Variants in RYR2 observed in about 807,000 individuals in gnomAD.
RYR2 encodes the protein cardiac muscle ryanodine receptor-calcium release channel.
A neutral mutation model predicts 601.1 loss-of-function variants in RYR2; 227 were observed. That is an observed-to-expected ratio of 0.38 (90% CI 0.34 to 0.42). RYR2 has a LOEUF of 0.42. Ranked by LOEUF, RYR2 falls within the 10% of genes least tolerant of loss-of-function variation. The pLI, the probability that RYR2 is intolerant of heterozygous loss-of-function variation, is 1.00. For synonymous variants in RYR2, 2,223 were observed against 2,175.1 expected (o/e 1.02, Z -0.61); for missense variants, 4,646 against 6,156.5 (o/e 0.75, Z 8.21).
intron 1 of RYR2, among the ~76,000 whole-genome samples, chr1:237,255,687 C>T (rs535072725): frequency 1.4e-4 from 22 of 152,250 alleles, no homozygotes; most frequent in South Asian, 1.2e-3. Context: ...GGATCTATCA[C>T]GATACTGAAA....
intron 1 of RYR2, among the ~76,000 whole-genome samples, chr1:237,051,061 A>C (rs1431815975): frequency 2.6e-5 from 4 of 152,184 alleles, no homozygotes; most frequent in Admixed American, 6.5e-5. Context: ...CAGTTAAATT[A>C]GTTCATGTGT....
Position 237,387,307 on chromosome 1 carries a change from A to T in RYR2, c.603A>T (p.Leu201Phe). 6.2e-7 allele frequency: 1 copy of T among 1,614,002 alleles called. No homozygotes were observed. Among genetic ancestry groups the T allele is most frequent in the Admixed American group, 1.7e-5 (1 of 60,030 alleles). Reference sequence around the variant, plus strand: ...ACTTGTCTTATGGCAACGGCAGCTTACACGTGGATGCCGCTTTCCAGCAGA... The same window carrying T: ...ACTTGTCTTATGGCAACGGCAGCTTTCACGTGGATGCCGCTTTCCAGCAGA... ...YLHLSYGNGS[L>F]HVDAAFQQTL... Residue 201 changes from leucine to phenylalanine, a missense_variant, in exon 9 of 105, where the codon TTA becomes TTT. Leu to Phe is a conservative substitution (Grantham distance 22, BLOSUM62 0). This residue lies in a region of RYR2 where 87 missense variants were observed against 144.7 expected (regional missense o/e 0.60). Coordinates refer to ENST00000366574, the MANE Select transcript of RYR2 (RefSeq NM_001035.3).
At chr1:237,425,363 T>G (rs1706048230) in intron 12 of RYR2, among the ~76,000 whole-genome samples, 1 of 152,126 alleles carries the variant, frequency 6.6e-6, no homozygotes, top group Admixed American at 6.6e-5. Flanking sequence ...CTCCAAAAAC[T>G]TAACTACTAT....
Position 237,371,886 on chromosome 1 carries a change from G to A in RYR2, c.384+2278G>A, listed in dbSNP as rs141788633. The stretch of plus-strand genomic sequence containing the variant: ...CACAGGAAGGGGAACATCACACACC[G>A]GGGCCTGTCGTGGGGTGGGGAGAGA... On this transcript the variant is annotated intron_variant, in intron 6 of 104. Coordinates refer to ENST00000366574, the MANE Select transcript of RYR2 (RefSeq NM_001035.3). Among the ~76,000 whole-genome samples, 1,235 of 152,234 alleles carry A rather than the reference G, an allele frequency of 8.1e-3. 15 individuals carry two copies. Among genetic ancestry groups the A allele is most frequent in the African/African-American group, 0.027 (1,138 of 41,536 alleles).
chr1:237,366,750 G>A (rs951148126), intron 5 of RYR2, among the ~76,000 whole-genome samples: 7 of 151,042 alleles, frequency 4.6e-5, no homozygotes, highest in East Asian at 2.0e-4. Context: ...CAAGCTTTAC[G>A]GTAAAAGGAG....
chr1:237,653,437 C>T (rs929126812), intron 51 of RYR2, among the ~76,000 whole-genome samples: 8 of 152,140 alleles, frequency 5.3e-5, no homozygotes, highest in African/African-American at 1.7e-4. Context: ...AAATGATTAA[C>T]GTAGAACTCA....
At position 237,548,648 on chromosome 1, in the gene RYR2, G is replaced by GT. The variant is rs368395199; in HGVS notation, c.3066+59dup. On this transcript the variant is annotated intron_variant, in intron 26 of 104. Coordinates refer to ENST00000366574, the MANE Select transcript of RYR2 (RefSeq NM_001035.3). ...ACTTAAGTGGGAATTAGCATAATTT[G>GT]TAACAGGAAGGATTACATAATGACT... 8 of 1,578,438 alleles carry GT rather than the reference G, an allele frequency of 5.1e-6. No individual in the cohort carries two copies. The African/African-American group carries it at 5.4e-5, about 11-fold the overall frequency.
At chr1:237,767,260 TAATC>T (rs1258011657) in intron 84 of RYR2, among the ~76,000 whole-genome samples, 1 of 152,210 alleles carries the variant, frequency 6.6e-6, no homozygotes, top group Admixed American at 6.5e-5. Flanking sequence ...TATGTAATGA[TAATC>T]AGTCAAAGAT....
At chr1:237,800,435 T>G (rs925655799) in intron 97 of RYR2, among the ~76,000 whole-genome samples, 2 of 152,178 alleles carry the variant, frequency 1.3e-5, no homozygotes, top group Non-Finnish European at 2.9e-5. Flanking sequence ...AAAATTGTTT[T>G]TAATCCTGGA....
At position 237,483,545 on chromosome 1, in the gene RYR2, GA is replaced by G. The variant is rs923321156; in HGVS notation, c.1709-8259del. Among the ~76,000 whole-genome samples the G allele has an allele frequency of 1.1e-4, 17 of 152,148 alleles. 1 individual carries two copies. Among genetic ancestry groups the G allele is most frequent in the African/African-American group, 4.1e-4 (17 of 41,436 alleles). On this transcript the variant is annotated intron_variant, in intron 17 of 104. Transcript: ENST00000366574. ...CTTATCACCAGTATATAATACAATA[GA>G]ATAATAATGATACCTCTTACTATGA...
intron 101 of RYR2, among the ~76,000 whole-genome samples, chr1:237,827,807 T>G (rs187959388): frequency 8.5e-4 from 128 of 151,450 alleles, no homozygotes; most frequent in South Asian, 4.0e-3. Flanking sequence ...TGTGGCAGTG[T>G]GTGCCTGTAG....
chr1:237,150,239 A>G (rs931049151), intron 1 of RYR2, among the ~76,000 whole-genome samples: 2 of 152,222 alleles, frequency 1.3e-5, no homozygotes, highest in African/African-American at 4.8e-5. Flanking sequence ...CAGAGGTCAC[A>G]GTCTTGATCA....
intron 1 of RYR2, among the ~76,000 whole-genome samples, chr1:237,175,293 T>C (rs565296064): frequency 6.6e-6 from 1 of 152,326 alleles, no homozygotes; most frequent in Admixed American, 6.5e-5. Flanking sequence ...TTTTTAGAGA[T>C]AATTTCTCCT....
chr1:237,079,734 C>T (rs1244794155), intron 1 of RYR2, among the ~76,000 whole-genome samples: 1 of 142,398 alleles, frequency 7.0e-6, no homozygotes, highest in East Asian at 1.9e-4. Context: ...ATGCCATCCC[C>T]ATCAAGCTAG....
chr1:237,395,564 T>TTTTTTTG lies in RYR2; in HGVS notation c.773+7381_773+7382insTTTTTTG, dbSNP rs1400077755. On this transcript the variant is annotated intron_variant, in intron 10 of 104. Transcript: ENST00000366574. ...TTTTTTTTTTTTTTTTTTTTTTTTTTGAGACAGAGTCTCGCTTTGTTCCCC... is the reference window on the plus strand; with the variant it reads ...TTTTTTTTTTTTTTTTTTTTTTTTTTTTTTTTGGAGACAGAGTCTCGCTTTGTTCCCC... 7.2e-4 allele frequency among the ~76,000 whole-genome samples: 56 copies of TTTTTTTG among 77,638 alleles called. 2 individuals carry two copies. The highest frequency in any genetic ancestry group is 2.3e-3 in the South Asian group (5 of 2,162). The allele number at this position is 77,638 out of a possible 152,430, so 50.9% of individuals were successfully genotyped here.
At chr1:237,632,528 G>C (rs540597897) in intron 42 of RYR2, among the ~76,000 whole-genome samples, 1 of 151,766 alleles carries the variant, frequency 6.6e-6, no homozygotes, top group Non-Finnish European at 1.5e-5. Context: ...CCGAGTGGCT[G>C]GGACTACAGG....
At chr1:237,188,119 G>A (rs1013577282) in intron 1 of RYR2, among the ~76,000 whole-genome samples, 3 of 152,208 alleles carry the variant, frequency 2.0e-5, no homozygotes, top group African/African-American at 7.2e-5. Flanking sequence ...ATTGAATGCT[G>A]TTTTAGGTGA....
chr1:237,546,744 G>A (rs1305358079), intron 25 of RYR2, among the ~76,000 whole-genome samples: 10 of 151,796 alleles, frequency 6.6e-5, no homozygotes, highest in African/African-American at 9.7e-5. Flanking sequence ...CTAAGCTAAA[G>A]CCATCTGTAT....
At chr1:237,275,591 A>C (rs1690192160) in intron 2 of RYR2, among the ~76,000 whole-genome samples, 1 of 152,128 alleles carries the variant, frequency 6.6e-6, no homozygotes, top group African/African-American at 2.4e-5. Flanking sequence ...GAAACCTCAG[A>C]AGTTGCAAAG....
Sources: gnomAD v4.1 joint callset for allele counts (sites outside exome capture counted in the v4.1 genomes callset) on GRCh38, gnomAD v4.1.1 for gene constraint, gnomAD v4.1.1 regional missense constraint, MANE v1.5 for transcripts, NCBI Gene and HGNC (gene_info 2026-07-23, HGNC 2026-07-21) for gene names.